CNTNAP5: variants seen among roughly 807,000 people sequenced by gnomAD.
The protein encoded by CNTNAP5 is contactin associated protein family member 5.
Under a neutral mutation model 150.2 loss-of-function variants are expected in CNTNAP5, and 72 were observed. The ratio of observed to expected loss-of-function variants is 0.48; its 90% CI spans 0.40 to 0.58. CNTNAP5 has a LOEUF of 0.58. Among genes scored for constraint, CNTNAP5 ranks in the 20% least tolerant of loss-of-function variants. The probability of loss-of-function intolerance (pLI) is 0.00; values close to 1 mark genes in which losing one functional copy is unlikely to be tolerated. For missense variants in CNTNAP5, 1,636 were observed against 1,626.2 expected, an observed-to-expected ratio of 1.01 and a Z score of -0.10; for synonymous variants, 672 against 619.8, an observed-to-expected ratio of 1.08 and a Z score of -1.25.
rs922861799 is a variant in CNTNAP5, at chr2:124,401,048, GT to G, written c.382-16394del. 1.1e-4 allele frequency among the ~76,000 whole-genome samples: 17 copies of G among 152,020 alleles called. 1 individual carries two copies. The highest frequency in any genetic ancestry group is 5.9e-5 in the Non-Finnish European group (4 of 68,026). ...CACCACGCTAATTTTTGTATTTTTA[GT>G]AGAAACGGGGTTTCACTATGTTGGC... On this transcript the variant is annotated intron_variant, in intron 3 of 23. Transcript: ENST00000682447.
At chr2:124,870,053 A>G (rs1677712355) in intron 21 of CNTNAP5, among the ~76,000 whole-genome samples, 1 of 152,080 alleles carries the variant, frequency 6.6e-6, no homozygotes, top group Admixed American at 6.6e-5. Context: ...GTTTTACTTA[A>G]TTTTAACTTA....
chr2:124,440,161 T>A (rs905031870), intron 5 of CNTNAP5, among the ~76,000 whole-genome samples: 1 of 152,076 alleles, frequency 6.6e-6, no homozygotes, highest in African/African-American at 2.4e-5. Context: ...TAACAACATA[T>A]GTGAAGTGTT....
intron 1 of CNTNAP5, among the ~76,000 whole-genome samples, chr2:124,040,439 C>A (rs1460344497): frequency 6.6e-6 from 1 of 152,108 alleles, no homozygotes; most frequent in Non-Finnish European, 1.5e-5. Flanking sequence ...CAGGAAGAGA[C>A]ATAAAATTAC....
chr2:124,260,219 C>G (rs1233568558), intron 3 of CNTNAP5, among the ~76,000 whole-genome samples: 1 of 152,108 alleles, frequency 6.6e-6, no homozygotes, highest in Non-Finnish European at 1.5e-5. Context: ...TGCCACATAT[C>G]TACAAATCTC....
chr2:124,804,825 A>C (rs780107569), intron 19 of CNTNAP5, among the ~76,000 whole-genome samples: 1 of 152,234 alleles, frequency 6.6e-6, no homozygotes, highest in African/African-American at 2.4e-5. Flanking sequence ...CTCATTGACA[A>C]AGGTCAAATG....
chr2:124,272,826 T>C (rs1687794001), intron 3 of CNTNAP5, among the ~76,000 whole-genome samples: 1 of 152,158 alleles, frequency 6.6e-6, no homozygotes. Flanking sequence ...TTATGAAAAA[T>C]AATTCAAAAC....
intron 13 of CNTNAP5, among the ~76,000 whole-genome samples, chr2:124,726,719 T>C (rs767367894): frequency 9.9e-5 from 15 of 152,008 alleles, no homozygotes; most frequent in Non-Finnish European, 2.1e-4. Context: ...TTCTTATGGA[T>C]TTTGATGATT....
At chr2:124,521,955 G>A (rs1694856039) in intron 8 of CNTNAP5, among the ~76,000 whole-genome samples, 1 of 152,262 alleles carries the variant, frequency 6.6e-6, no homozygotes, top group Admixed American at 6.5e-5. Context: ...GGGGCCACCA[G>A]GCTGAGAAGC....
At chr2:124,810,296 G>A (rs949049453) in intron 19 of CNTNAP5, among the ~76,000 whole-genome samples, 5 of 152,124 alleles carry the variant, frequency 3.3e-5, no homozygotes, top group Non-Finnish European at 4.4e-5. Flanking sequence ...AGGTCAAACT[G>A]TTGTCCTGGG....
chr2:124,664,777 C>T (rs1678663534), intron 13 of CNTNAP5, among the ~76,000 whole-genome samples: 1 of 152,230 alleles, frequency 6.6e-6, no homozygotes, highest in African/African-American at 2.4e-5. Flanking sequence ...ACTTCTGCCT[C>T]CCAGGTTCAA....
At chr2:124,790,585 A>C (rs1222333545) in intron 18 of CNTNAP5, among the ~76,000 whole-genome samples, 2 of 152,216 alleles carry the variant, frequency 1.3e-5, no homozygotes, top group Non-Finnish European at 2.9e-5. Flanking sequence ...ATTAGTAAAC[A>C]CAGTACCGTG....
chr2:124,529,065 T>TG (rs1436060827), intron 10 of CNTNAP5, among the ~76,000 whole-genome samples: 1 of 152,058 alleles, frequency 6.6e-6, no homozygotes, highest in African/African-American at 2.4e-5. Context: ...TTTGTTTTTT[T>TG]TTTTTTTCTA....
At chr2:124,192,207 T>C (rs1685474699) in intron 1 of CNTNAP5, among the ~76,000 whole-genome samples, 1 of 152,162 alleles carries the variant, frequency 6.6e-6, no homozygotes, top group African/African-American at 2.4e-5. Context: ...GCTCCGTCCA[T>C]GGGATGCACA....
At chr2:124,176,204 A>G (rs1451114767) in intron 1 of CNTNAP5, among the ~76,000 whole-genome samples, 1 of 152,236 alleles carries the variant, frequency 6.6e-6, no homozygotes, top group Non-Finnish European at 1.5e-5. Flanking sequence ...CCTAGACTTC[A>G]GTTCCCTTAA....
At chr2:124,054,599 A>C (rs1255011250) in intron 1 of CNTNAP5, among the ~76,000 whole-genome samples, 1 of 152,192 alleles carries the variant, frequency 6.6e-6, no homozygotes, top group Admixed American at 6.5e-5. Context: ...GAAGTAAAAA[A>C]GAAATTAAGT....
At chr2:124,842,827 C>T (rs1325147738) in intron 19 of CNTNAP5, among the ~76,000 whole-genome samples, 1 of 152,040 alleles carries the variant, frequency 6.6e-6, no homozygotes, top group Admixed American at 6.6e-5. Flanking sequence ...TTGAGTGGAT[C>T]TGAAAATGCT....
At chr2:124,529,486 T>G (rs1348412965) in intron 10 of CNTNAP5, among the ~76,000 whole-genome samples, 1 of 152,186 alleles carries the variant, frequency 6.6e-6, no homozygotes, top group Non-Finnish European at 1.5e-5. Context: ...AAGTTTTTCT[T>G]GATTTACCAG....
chr2:124,881,426 G>A (rs1224647563), intron 21 of CNTNAP5, among the ~76,000 whole-genome samples: 1 of 152,060 alleles, frequency 6.6e-6, no homozygotes, highest in Non-Finnish European at 1.5e-5. Flanking sequence ...GATTTTTCCA[G>A]TCATTACAGA....
intron 3 of CNTNAP5, among the ~76,000 whole-genome samples, chr2:124,334,779 A>G (rs968912035): frequency 3.3e-5 from 5 of 152,106 alleles, no homozygotes; most frequent in Non-Finnish European, 5.9e-5. Flanking sequence ...CAATCTTCCC[A>G]TAAATGCCAA....
Sources: gnomAD v4.1 joint callset for allele counts (sites outside exome capture counted in the v4.1 genomes callset) on GRCh38, gnomAD v4.1.1 for gene constraint, MANE v1.5 for transcripts, NCBI Gene and HGNC (gene_info 2026-07-23, HGNC 2026-07-21) for gene names.